The following ARHGAP27 variants were observed in gnomAD, a reference collection of about 807,000 sequenced individuals.
The protein encoded by ARHGAP27 is rho GTPase-activating protein 27.
A neutral mutation model predicts 102.0 loss-of-function variants in ARHGAP27; 53 were observed. That is an observed-to-expected ratio of 0.52 (90% CI 0.42 to 0.65). The LOEUF (loss-of-function observed/expected upper bound fraction) is 0.65. Ranked by LOEUF, ARHGAP27 falls within the 30% of genes least tolerant of loss-of-function variation. The probability of loss-of-function intolerance (pLI) is 0.00; values close to 1 mark genes in which losing one functional copy is unlikely to be tolerated. For missense variants in ARHGAP27, 1,117 were observed against 1,256.2 expected (o/e 0.89, Z 1.68); for synonymous variants, 525 against 542.8 (o/e 0.97, Z 0.46).
intron 4 of ARHGAP27, among the ~76,000 whole-genome samples, chr17:45,417,956 A>T (rs1217396816): frequency 6.7e-6 from 1 of 149,914 alleles, no homozygotes; most frequent in South Asian, 2.1e-4. Flanking sequence ...TGGGAAGCTG[A>T]GGCAGGAGAA....
intron 6 of ARHGAP27, 26 bp from the exon 7 acceptor site, chr17:45,404,707 C>T: frequency 1.3e-6 from 2 of 1,598,808 alleles, no homozygotes; most frequent in Non-Finnish European, 8.5e-7. Context: ...TGGTCAGGGC[C>T]TCCAGCCCAG....
At chr17:45,429,153 G>A (rs1312685461) in intron 4 of ARHGAP27, among the ~76,000 whole-genome samples, 1 of 152,218 alleles carries the variant, frequency 6.6e-6, no homozygotes, top group African/African-American at 2.4e-5. Flanking sequence ...GCAATCCCCC[G>A]TTCCGTGCCC....
intron 4 of ARHGAP27, among the ~76,000 whole-genome samples, chr17:45,416,671 C>T (rs1030525936): frequency 1.3e-5 from 2 of 151,306 alleles, no homozygotes; most frequent in African/African-American, 4.8e-5. Flanking sequence ...CCTCTGCCTC[C>T]AGAGTAGCTG....
At chr17:45,428,621 G>A (rs1220270819) in intron 4 of ARHGAP27, among the ~76,000 whole-genome samples, 1 of 152,198 alleles carries the variant, frequency 6.6e-6, no homozygotes, top group Non-Finnish European at 1.5e-5. Context: ...CACATAGTGG[G>A]CATCAGTGTT....
chr17:45,395,739 C>CT lies in ARHGAP27; in HGVS notation c.2492+4dup. ...CCCCCTTCCCGCGCGGGCCGCCCGGCTCACCGGCAGAGGTGCTGGAAGAGC... is the reference window on the plus strand; with the variant it reads ...CCCCCTTCCCGCGCGGGCCGCCCGGCTTCACCGGCAGAGGTGCTGGAAGAGC... On this transcript the variant is annotated splice_donor_region_variant and intron_variant, in intron 19 of 19. Coordinates refer to ENST00000685559, the MANE Select transcript of ARHGAP27 (RefSeq NM_001282290.2). 6.3e-7 allele frequency: 1 copy of CT among 1,588,634 alleles called. No individual in the cohort carries two copies. Among genetic ancestry groups the CT allele is most frequent in the Non-Finnish European group, 8.5e-7 (1 of 1,171,674 alleles).
rs1343665851 is a variant in ARHGAP27 at position 45,396,943 on chromosome 17, T to C, written c.1924A>G (p.Lys642Glu). 2 of 1,606,138 alleles carry C rather than the reference T, an allele frequency of 1.2e-6. No homozygotes were observed. The highest frequency in any genetic ancestry group is 1.1e-5 in the South Asian group (1 of 91,084). The change falls in exon 14 of 20, where the codon AAA (lysine) becomes GAA (glutamate). Residue 642 changes from lysine to glutamate, a missense_variant. By Grantham distance (56) the Lys-to-Glu change is moderately conservative (BLOSUM62 1). Transcript: ENST00000685559. ...SSERLGSWQE[K>E]EEDARPNAAA... ...GCATTCGGTCGCGCGTCCTCCTCTT[T>C]CTCCTGCCAGCTTCCCAAGCGCTCG...
intron 16 of ARHGAP27, 79 bp downstream of exon 16, chr17:45,396,408 G>T (rs2045673009): frequency 6.8e-7 from 1 of 1,467,992 alleles, no homozygotes; most frequent in Admixed American, 2.3e-5. Context: ...GTCCATCCAG[G>T]GGTCTCCAGC....
At chr17:45,418,835 G>A (rs1480136907) in intron 4 of ARHGAP27, among the ~76,000 whole-genome samples, 1 of 152,164 alleles carries the variant, frequency 6.6e-6, no homozygotes, top group Non-Finnish European at 1.5e-5. Context: ...CAGGAGCTGA[G>A]GAGGGCCAAA....
chr17:45,428,420 TGGGGG>T (rs2049810198), intron 4 of ARHGAP27, among the ~76,000 whole-genome samples: 1 of 152,250 alleles, frequency 6.6e-6, no homozygotes, highest in Admixed American at 6.5e-5. Flanking sequence ...ACGCTGGGCC[TGGGGG>T]AACGTCCTCG....
intron 3 of ARHGAP27, among the ~76,000 whole-genome samples, 151 bp downstream of exon 3, chr17:45,431,470 C>A (rs748326112): frequency 1.3e-5 from 2 of 152,246 alleles, no homozygotes; most frequent in Admixed American, 1.3e-4. Context: ...CTTTGTCAAG[C>A]GTTCCTCGAC....
Position 45,410,724 on chromosome 17 carries a change from G to T in ARHGAP27, c.658-4641C>A, listed in dbSNP as rs527325954. On this transcript the variant is annotated intron_variant, in intron 4 of 19. Transcript: ENST00000685559. ...GCAGAGGGGGCGCTGAGTGCTGGGG[G>T]CCTGGGCTGGCCTGGAGTGGCTCCT... 4.1e-4 allele frequency among the ~76,000 whole-genome samples: 62 copies of T among 152,176 alleles called. No homozygotes were observed. In the East Asian group the frequency reaches 0.011, roughly 27 times the overall value.
intron 13 of ARHGAP27, 82 bp from the exon 14 acceptor site, chr17:45,397,106 A>C: frequency 6.4e-7 from 1 of 1,564,420 alleles, no homozygotes; most frequent in Non-Finnish European, 8.6e-7. Flanking sequence ...CCCGAAATGC[A>C]CTCCCAACAG....
At chr17:45,397,336 G>A in intron 13 of ARHGAP27, 1 of 1,253,154 alleles carries the variant, frequency 8.0e-7, no homozygotes, top group South Asian at 2.3e-5. Flanking sequence ...CCTCTAACTG[G>A]GTCAGCATTC....
intron 16 of ARHGAP27, 69 bp from the exon 17 acceptor site, chr17:45,396,353 A>G (rs1421577445): frequency 1.3e-6 from 2 of 1,507,926 alleles, no homozygotes; most frequent in Admixed American, 2.1e-5. Flanking sequence ...GGTCCCTGCT[A>G]TGACTCCCAC....
At position 45,398,008 on chromosome 17, in the gene ARHGAP27, C is replaced by T. The variant is rs150663614; in HGVS notation, c.1783G>A (p.Asp595Asn). The change falls in exon 13 of 20, where the codon GAC (aspartate) becomes AAC (asparagine). Residue 595 changes from aspartate to asparagine, a missense_variant. Asp to Asn is a conservative substitution (Grantham distance 23, BLOSUM62 1). Coordinates refer to ENST00000685559, the MANE Select transcript of ARHGAP27 (RefSeq NM_001282290.2). ...CAGGTGCTGATGATGGCCTCCGAGTCGTGCTGGATCAGGTACTCAGAGCCA... is the reference window on the plus strand; with the variant it reads ...CAGGTGCTGATGATGGCCTCCGAGTTGTGCTGGATCAGGTACTCAGAGCCA... Reference protein sequence around the residue: ...RDGSEYLIQHDSEAIISTWHK... With the variant: ...RDGSEYLIQHNSEAIISTWHK... 105 of 1,610,164 alleles carry T rather than the reference C, an allele frequency of 6.5e-5. No homozygotes were observed. Among genetic ancestry groups the T allele is most frequent in the African/African-American group, 3.3e-4 (25 of 74,900 alleles).
At chr17:45,404,892 G>A in intron 6 of ARHGAP27, 32 bp downstream of exon 6, 2 of 1,613,922 alleles carry the variant, frequency 1.2e-6, no homozygotes, top group South Asian at 2.2e-5. Context: ...GGACTCTGAG[G>A]CTGTCCGGGT....
Position 45,402,705 on chromosome 17 carries a change from G to C in ARHGAP27, c.1743+9C>G, listed in dbSNP as rs781451544. 6.2e-7 allele frequency: 1 copy of C among 1,603,366 alleles called. No individual in the cohort carries two copies. The highest frequency in any genetic ancestry group is 1.7e-5 in the Admixed American group (1 of 59,898). ...CCCTTCCCTCCTTCTCCCCAACCCC[G>C]CCACTCACCTCCAGCACATTCTTCC... On this transcript the variant is annotated intron_variant, in intron 12 of 19. Transcript: ENST00000685559.
At chr17:45,420,771 G>A (rs2048950275) in intron 4 of ARHGAP27, among the ~76,000 whole-genome samples, 2 of 151,358 alleles carry the variant, frequency 1.3e-5, no homozygotes, top group South Asian at 4.2e-4. Context: ...TGGCTAACAC[G>A]GTGAAACCCC....
At chr17:45,408,755 G>C (rs2047535912) in intron 4 of ARHGAP27, 2 of 152,272 alleles carry the variant, frequency 1.3e-5, no homozygotes, top group Non-Finnish European at 2.9e-5. Flanking sequence ...GTGCTCAGCT[G>C]ACAAGCCTCT....
Sources: gnomAD v4.1 joint callset for allele counts (sites outside exome capture counted in the v4.1 genomes callset) on GRCh38, gnomAD v4.1.1 for gene constraint, MANE v1.5 for transcripts, NCBI Gene and HGNC (gene_info 2026-07-23, HGNC 2026-07-21) for gene names.